POM121L2: variants seen among roughly 807,000 people sequenced by gnomAD.
The protein encoded by POM121L2 is POM121 transmembrane nucleoporin like 2.
For missense variants in POM121L2, 1,167 were observed against 1,260.3 expected, an observed-to-expected ratio of 0.93 and a Z score of 1.12; for synonymous variants, 459 against 483.8, an observed-to-expected ratio of 0.95 and a Z score of 0.67.
chr6:27,312,186 G>A lies in POM121L2; in HGVS notation c.-16C>T. 7.1e-7 allele frequency: 1 copy of A among 1,413,804 alleles called. No individual in the cohort carries two copies. Among genetic ancestry groups the A allele is most frequent in the Non-Finnish European group, 9.3e-7 (1 of 1,075,400 alleles). 87.6% of individuals were successfully genotyped at this position (1,413,804 alleles called of 1,614,324 possible). On this transcript the variant is annotated 5_prime_UTR_variant, in exon 1 of 1. Coordinates refer to ENST00000444565, the MANE Select transcript of POM121L2 (RefSeq NM_033482.4). This position sits in a 1 kb window ranked among gnomAD's most constrained non-coding sequence, Gnocchi z 6.7. The stretch of plus-strand genomic sequence containing the variant: ...AACTGCCCATGAGGAGAGATGAGGC[G>A]CGGGCAGTGAGTTCAAGCACGGTTT...
rs1468361923 is a variant in POM121L2, at chr6:27,309,643, C to A, written c.2528G>T (p.Ser843Ile). The A allele has an allele frequency of 3.2e-6, 5 of 1,551,566 alleles. No individual in the cohort carries two copies. The Admixed American group carries it at 9.8e-5, about 30-fold the overall frequency. ...PSASTSQTPA[S>I]TWSGIGGIPA... ...AATGCCGCCAATGCCTGACCAGGTGCTGGCAGGGGTTTGAGAGGTGGAGGC... is the reference window on the plus strand; with the variant it reads ...AATGCCGCCAATGCCTGACCAGGTGATGGCAGGGGTTTGAGAGGTGGAGGC... Residue 843 changes from serine (S) to isoleucine (I), a missense_variant, in exon 1 of 1, where the codon AGC becomes ATC. Coordinates refer to ENST00000444565, the MANE Select transcript of POM121L2 (RefSeq NM_033482.4).
At chr6:27,311,895 G>GA (rs754068771), upstream of POM121L2, 43 of 1,551,768 alleles carry the variant, frequency 2.8e-5, no homozygotes, top group African/African-American at 5.6e-4. Flanking sequence ...AGTCTGAAGG[G>GA]AGAGGCCCCA....
Position 27,308,682 on chromosome 6 carries a change from T to TAAAC in POM121L2, c.*380_*381insGTTT, listed in dbSNP as rs1760702283. Among the ~76,000 whole-genome samples the TAAAC allele has an allele frequency of 6.6e-6, 1 of 152,226 alleles. No individual in the cohort carries two copies. Among genetic ancestry groups the TAAAC allele is most frequent in the Non-Finnish European group, 1.5e-5 (1 of 68,036 alleles). ...GAGTAACAGAGAACATGTTAGTGTT[T>TAAAC]ACCAGCAGTAGGGATGGCAGGATGT... On this transcript the variant is annotated 3_prime_UTR_variant, in exon 1 of 1. Coordinates refer to ENST00000444565, the MANE Select transcript of POM121L2 (RefSeq NM_033482.4).
Sources: allele counts gnomAD v4.1 joint callset (sites outside exome capture counted in the v4.1 genomes callset), GRCh38; gene constraint gnomAD v4.1.1; non-coding constraint Gnocchi (gnomAD v3.1); transcripts MANE v1.5; gene names NCBI Gene and HGNC (gene_info 2026-07-23, HGNC 2026-07-21).